The following STK32B variants were observed in gnomAD, a reference collection of about 807,000 sequenced individuals.
STK32B encodes serine/threonine-protein kinase 32B.
STK32B carries 43 observed loss-of-function variants against 52.6 expected under a neutral mutation model. The ratio of observed to expected loss-of-function variants is 0.82; its 90% CI spans 0.64 to 1.05. STK32B has a LOEUF of 1.05. STK32B is among the 50% of genes least tolerant of loss of function. The probability of loss-of-function intolerance (pLI) is 0.00; values close to 1 mark genes in which losing one functional copy is unlikely to be tolerated. For missense variants in STK32B, 621 were observed against 534.6 expected (o/e 1.16, Z -1.59); for synonymous variants, 238 against 204.3 (o/e 1.17, Z -1.41).
intron 3 of STK32B, among the ~76,000 whole-genome samples, chr4:5,231,020 C>T (rs751760740): frequency 5.3e-5 from 8 of 152,186 alleles, no homozygotes; most frequent in South Asian, 2.1e-4. Flanking sequence ...AACCTGCAGA[C>T]GTAGGTATGG....
intron 4 of STK32B, among the ~76,000 whole-genome samples, chr4:5,333,188 C>T (rs989801228): frequency 6.6e-6 from 1 of 152,122 alleles, no homozygotes; most frequent in African/African-American, 2.4e-5. Flanking sequence ...GATTGCCATT[C>T]TAACTGGTGT....
chr4:5,489,767 C>T (rs28801161), intron 11 of STK32B, among the ~76,000 whole-genome samples: 18 of 152,056 alleles, frequency 1.2e-4, no homozygotes, highest in South Asian at 8.3e-4. Flanking sequence ...GATTTACTTA[C>T]GTGACATGAA....
chr4:5,450,843 C>G lies in STK32B; in HGVS notation c.666+4067C>G, dbSNP rs545287769. On this transcript the variant is annotated intron_variant, in intron 7 of 11. Transcript: ENST00000282908. ...ACTGCTGGAAAGCCTGTGTCCTTCC[C>G]AATTTAGCATCTTCAAGCACTAGAG... Among the ~76,000 whole-genome samples, 15 of 152,258 alleles carry G rather than the reference C, an allele frequency of 9.9e-5. No individual in the cohort carries two copies. The South Asian group carries it at 2.7e-3, about 27-fold the overall frequency.
At chr4:5,060,199 C>G (rs1163684040) in intron 1 of STK32B, among the ~76,000 whole-genome samples, 2 of 152,214 alleles carry the variant, frequency 1.3e-5, no homozygotes, top group Admixed American at 1.3e-4. Context: ...CTCCCAACCT[C>G]AGGTGATCTG....
chr4:5,089,209 CT>C lies in STK32B; in HGVS notation c.52+37302del, dbSNP rs202007532. Among the ~76,000 whole-genome samples the C allele has an allele frequency of 7.0e-3, 1,029 of 146,348 alleles. 10 individuals are homozygous for C. Among genetic ancestry groups the C allele is most frequent in the African/African-American group, 0.023 (947 of 40,672 alleles). On this transcript the variant is annotated intron_variant, in intron 1 of 11. Coordinates refer to ENST00000282908, the MANE Select transcript of STK32B (RefSeq NM_018401.3). ...TAACCAAGATCTAATAGACAAATTT[CT>C]TTTTTTTCTTTATTCTAAAAAAAAA... is the stretch of plus-strand genomic sequence containing the variant.
chr4:5,306,816 T>A (rs1165187628), intron 3 of STK32B, among the ~76,000 whole-genome samples: 3 of 152,112 alleles, frequency 2.0e-5, no homozygotes, highest in African/African-American at 7.2e-5. Context: ...TTTAAGCAGT[T>A]CTTGTAATGC....
chr4:5,156,220 A>G (rs1360099687), intron 2 of STK32B, among the ~76,000 whole-genome samples: 2 of 151,910 alleles, frequency 1.3e-5, no homozygotes, highest in East Asian at 3.9e-4. Flanking sequence ...ACTTACACAT[A>G]TAGCGTATAC....
chr4:5,459,206 G>C (rs1716824345), intron 8 of STK32B, among the ~76,000 whole-genome samples: 1 of 152,022 alleles, frequency 6.6e-6, no homozygotes, highest in African/African-American at 2.4e-5. Context: ...GCATAGGTGG[G>C]AGATTTCTGC....
chr4:5,327,365 C>T (rs529628335), intron 3 of STK32B, among the ~76,000 whole-genome samples: 149 of 150,984 alleles, frequency 9.9e-4, no homozygotes, highest in South Asian at 3.4e-3. Context: ...TTGCCCAGAT[C>T]CATCAAAGCA....
chr4:5,462,378 CTGTGCATCTGTGTGTGTG>C (rs536125840), intron 9 of STK32B, among the ~76,000 whole-genome samples: 1,642 of 151,726 alleles, frequency 0.011, 11 homozygotes, highest in Middle Eastern at 0.034. Context: ...CTGTGTGTGC[CTGTGCATCTGTGTGTGTG>C]TGTGCATCTG....
At chr4:5,492,922 A>T (rs1258644875) in intron 11 of STK32B, among the ~76,000 whole-genome samples, 2 of 151,006 alleles carry the variant, frequency 1.3e-5, no homozygotes, top group Admixed American at 6.6e-5. Flanking sequence ...CCCAGGGATG[A>T]AGCCCACTTG....
At chr4:5,038,631 G>C in the STK32B span, among the ~76,000 whole-genome samples, 2 of 152,148 alleles carry the variant, frequency 1.3e-5, no homozygotes, top group Non-Finnish European at 2.9e-5. Context: ...TCTAAATACA[G>C]AAAAGGGACT....
At chr4:5,305,633 A>G (rs1163715868) in intron 3 of STK32B, among the ~76,000 whole-genome samples, 1 of 151,990 alleles carries the variant, frequency 6.6e-6, no homozygotes, top group African/African-American at 2.4e-5. Context: ...AATTTTATTC[A>G]TCGTTTCAAA....
At chr4:5,095,230 C>T (rs10428331) in intron 1 of STK32B, among the ~76,000 whole-genome samples, 22,788 of 152,078 alleles carry the variant, frequency 0.15, 2,049 homozygotes, top group African/African-American at 0.26. Flanking sequence ...ACCCAGACTC[C>T]ACATGTCAGG....
Position 5,058,228 on chromosome 4 carries a change from C to T in STK32B, c.52+6313C>T, listed in dbSNP as rs1742083648. ...CTGTTTCAACGTGGGAACATTATCA[C>T]TGTTCACCAACATCCTGTTCCCCTT... On this transcript the variant is annotated intron_variant, in intron 1 of 11. Coordinates refer to ENST00000282908, the MANE Select transcript of STK32B (RefSeq NM_018401.3). The surrounding 1 kb of genome is among the most constrained non-coding windows in gnomAD (Gnocchi z 4.8). 6.6e-6 allele frequency among the ~76,000 whole-genome samples: 1 copy of T among 152,246 alleles called. No homozygotes were observed. Among genetic ancestry groups the T allele is most frequent in the Non-Finnish European group, 1.5e-5 (1 of 68,042 alleles).
At chr4:5,025,668 G>A in the STK32B span, among the ~76,000 whole-genome samples, 1 of 152,186 alleles carries the variant, frequency 6.6e-6, no homozygotes, top group African/African-American at 2.4e-5. Flanking sequence ...TCTGTCTCAT[G>A]TTCCCATTTC....
At chr4:5,218,833 G>C (rs1337502227) in intron 3 of STK32B, among the ~76,000 whole-genome samples, 1 of 152,210 alleles carries the variant, frequency 6.6e-6, no homozygotes, top group African/African-American at 2.4e-5. Flanking sequence ...TGCCAGGCAC[G>C]TGGCTTCTGG....
chr4:5,080,097 A>C (rs1240887666), intron 1 of STK32B, among the ~76,000 whole-genome samples: 2 of 151,964 alleles, frequency 1.3e-5, no homozygotes, highest in Non-Finnish European at 2.9e-5. Flanking sequence ...TCAGCACAGA[A>C]GCCAGGGTCT....
intron 4 of STK32B, among the ~76,000 whole-genome samples, chr4:5,376,919 T>G (rs528311312): frequency 2.0e-5 from 3 of 152,250 alleles, no homozygotes; most frequent in African/African-American, 7.2e-5. Context: ...TGTTTGATGG[T>G]GCCCTGCAGT....
Sources: gnomAD v4.1 joint callset for allele counts (sites outside exome capture counted in the v4.1 genomes callset) on GRCh38, gnomAD v4.1.1 for gene constraint, Gnocchi (gnomAD v3.1) non-coding constraint, MANE v1.5 for transcripts, NCBI Gene and HGNC (gene_info 2026-07-23, HGNC 2026-07-21) for gene names.